Variants in C2orf78 observed in about 807,000 individuals in gnomAD.
C2orf78 encodes chromosome 2 open reading frame 78.
Under a neutral mutation model 21.4 loss-of-function variants are expected in C2orf78, and 12 were observed. That is an observed-to-expected ratio of 0.56 (90% CI 0.36 to 0.91). The LOEUF is 0.91. Among genes scored for constraint, C2orf78 ranks in the 40% least tolerant of loss-of-function variants. The probability of loss-of-function intolerance (pLI) is 0.01; values close to 1 mark genes in which losing one functional copy is unlikely to be tolerated. For synonymous variants in C2orf78, 396 were observed against 413.9 expected, an observed-to-expected ratio of 0.96 and a Z score of 0.52; for missense variants, 1,042 against 1,092.4, an observed-to-expected ratio of 0.95 and a Z score of 0.65.
chr2:73,813,784 A>G lies in C2orf78; in HGVS notation c.405A>G (p.Thr135=), dbSNP rs757756770. 3 of 1,614,096 alleles carry G rather than the reference A, an allele frequency of 1.9e-6. No homozygotes were observed. In the South Asian group the frequency reaches 3.3e-5, roughly 18 times the overall value. Residue 135 remains threonine, a synonymous_variant, in exon 2 of 3, where the codon ACA becomes ACG. Coordinates refer to ENST00000409561, the Ensembl canonical transcript of C2orf78. ...TTGAGTGGGATAGTACAGCAAGCACAGTAAAGAAGTCATCCTCACTCAGGG... is the reference window on the plus strand; with the variant it reads ...TTGAGTGGGATAGTACAGCAAGCACGGTAAAGAAGTCATCCTCACTCAGGG...
intron 1 of C2orf78, among the ~76,000 whole-genome samples, chr2:73,786,096 C>T (rs749473984): frequency 1.3e-5 from 2 of 151,572 alleles, no homozygotes; most frequent in African/African-American, 2.4e-5. Context: ...ATGAGGCTTC[C>T]AGGCAGGGTG....
chr2:73,816,341 C>G (rs2103996151), exon 3 of C2orf78: 1 of 1,613,728 alleles, frequency 6.2e-7, no homozygotes, highest in East Asian at 2.2e-5. Context: ...CATCTCCATC[C>G]CACTCTGAGT....
chr2:73,813,455 ATC>A lies in C2orf78; in HGVS notation c.98-14_98-13del. 1 of 1,542,080 alleles carries A rather than the reference ATC, an allele frequency of 6.5e-7. No individual in the cohort carries two copies. ...ATTTTTCACTCTCATCGGTTTTTTC[ATC>A]TCTCTCTTGTTTCCTACAGAATATT... On this transcript the variant is annotated intron_variant, in intron 1 of 2. Transcript: ENST00000409561.
Position 73,786,201 on chromosome 2 carries a change from GA to G in C2orf78, c.97+1798del. Among the ~76,000 whole-genome samples, 3 of 151,966 alleles carry G rather than the reference GA, an allele frequency of 2.0e-5. 1 individual carries two copies. In the East Asian group the frequency reaches 5.8e-4, roughly 30 times the overall value. ...TGGAGACCAGCCTAGGCAACATGGT[GA>G]AACCCCATTTCTCCTGAAAATATAA... is the stretch of plus-strand genomic sequence containing the variant. On this transcript the variant is annotated intron_variant, in intron 1 of 2. Transcript: ENST00000409561.
exon 3 of C2orf78, chr2:73,816,682 GTTC>G (rs1558543984): frequency 4.3e-6 from 7 of 1,613,976 alleles, no homozygotes; most frequent in South Asian, 2.2e-5. Flanking sequence ...ACATCATCTT[GTTC>G]TTCTCTGCAG....
chr2:73,812,685 G>A (rs868537517), intron 1 of C2orf78, among the ~76,000 whole-genome samples: 13 of 152,028 alleles, frequency 8.6e-5, no homozygotes, highest in African/African-American at 3.1e-4. Flanking sequence ...TGGGTGTCAA[G>A]CCACTGCACT....
At chr2:73,786,214 T>A (rs576547970) in intron 1 of C2orf78, among the ~76,000 whole-genome samples, 2 of 151,650 alleles carry the variant, frequency 1.3e-5, no homozygotes, top group East Asian at 3.9e-4. Context: ...ACCCCATTTC[T>A]CCTGAAAATA....
intron 1 of C2orf78, among the ~76,000 whole-genome samples, chr2:73,810,378 T>G (rs1673054282): frequency 6.6e-6 from 1 of 151,390 alleles, no homozygotes; most frequent in Non-Finnish European, 1.5e-5. Flanking sequence ...AAATACAAAA[T>G]TAGCCGGGCA....
intron 1 of C2orf78, among the ~76,000 whole-genome samples, chr2:73,786,107 C>A (rs1344803526): frequency 6.6e-6 from 1 of 151,876 alleles, no homozygotes; most frequent in Admixed American, 6.6e-5. Context: ...AGGCAGGGTG[C>A]GGTGGCTCAC....
chr2:73,785,287 CACAAACAA>C (rs939411254), intron 1 of C2orf78, among the ~76,000 whole-genome samples: 52 of 129,106 alleles, frequency 4.0e-4, no homozygotes, highest in Admixed American at 1.0e-3. Context: ...GAGACCCTGT[CACAAACAA>C]ACAAACAAAC....
intron 1 of C2orf78, among the ~76,000 whole-genome samples, chr2:73,785,735 A>C (rs1049225791): frequency 6.6e-6 from 1 of 152,008 alleles, no homozygotes; most frequent in Admixed American, 6.5e-5. Context: ...GACAGTTTGT[A>C]ATATAAACAT....
intron 2 of C2orf78, among the ~76,000 whole-genome samples, 180 bp from the exon 3 acceptor site, chr2:73,814,891 T>G (rs1461543178): frequency 6.6e-6 from 1 of 152,218 alleles, no homozygotes; most frequent in African/African-American, 2.4e-5. Context: ...TCACATCAAA[T>G]GATAACCAGT....
chr2:73,813,408 C>T (rs2103987859), intron 1 of C2orf78, 69 bp from the exon 2 acceptor site: 1 of 1,412,746 alleles, frequency 7.1e-7, no homozygotes, highest in Non-Finnish European at 9.4e-7. Context: ...TAAGATAATG[C>T]TAGTCTTCCA....
At chr2:73,786,223 T>C (rs1220787122) in intron 1 of C2orf78, among the ~76,000 whole-genome samples, 1 of 151,292 alleles carries the variant, frequency 6.6e-6, no homozygotes, top group Non-Finnish European at 1.5e-5. Context: ...CTCCTGAAAA[T>C]ATAAGAATTA....
intron 2 of C2orf78, among the ~76,000 whole-genome samples, chr2:73,814,557 G>A (rs1305990528): frequency 6.6e-6 from 1 of 152,162 alleles, no homozygotes; most frequent in East Asian, 1.9e-4. Context: ...CTCTTTGGAA[G>A]GCACTTCAGA....
chr2:73,811,480 T>C (rs1023764645), intron 1 of C2orf78, among the ~76,000 whole-genome samples: 1 of 152,190 alleles, frequency 6.6e-6, no homozygotes, highest in Admixed American at 6.5e-5. Context: ...AGAAGAACAA[T>C]ACCTTTGCAT....
At chr2:73,809,622 CA>C (rs1169244983) in intron 1 of C2orf78, among the ~76,000 whole-genome samples, 1 of 151,960 alleles carries the variant, frequency 6.6e-6, no homozygotes, top group Non-Finnish European at 1.5e-5. Flanking sequence ...CCCATCTCTA[CA>C]AAAACTTTTT....
chr2:73,814,127 C>T, exon 2 of C2orf78: 1 of 1,612,448 alleles, frequency 6.2e-7, no homozygotes, highest in Non-Finnish European at 8.5e-7. Flanking sequence ...GGTGATGGTG[C>T]TGAAGGAGGT....
In C2orf78 at chr2:73,816,252, AT is replaced by A; in HGVS notation, c.2030del (p.Ile677ThrfsTer18). 3 of 1,613,892 alleles carry A rather than the reference AT, an allele frequency of 1.9e-6. No homozygotes were observed. Among genetic ancestry groups the A allele is most frequent in the Non-Finnish European group, 2.5e-6 (3 of 1,179,862 alleles). ...CCCAGCTCTCAAACCATGGCTGGATATCCAACATGAGGGTAAAGGCCCGGAG... is the reference window on the plus strand; with the variant it reads ...CCCAGCTCTCAAACCATGGCTGGATACCAACATGAGGGTAAAGGCCCGGAG... On this transcript the variant is annotated frameshift_variant, in exon 3 of 3. Transcript: ENST00000409561. LOFTEE classifies it low-confidence loss of function (END_TRUNC).
Sources: allele counts gnomAD v4.1 joint callset (sites outside exome capture counted in the v4.1 genomes callset), GRCh38; gene constraint gnomAD v4.1.1; transcripts MANE v1.5; gene names NCBI Gene and HGNC (gene_info 2026-07-23, HGNC 2026-07-21).